The following GPHN variants were observed in gnomAD, a reference collection of about 807,000 sequenced individuals.
The protein encoded by GPHN is gephyrin.
A neutral mutation model predicts 95.5 loss-of-function variants in GPHN; 17 were observed. That is an observed-to-expected ratio of 0.18 (90% CI 0.12 to 0.27). GPHN has a LOEUF of 0.27. Among genes scored for constraint, GPHN ranks in the 10% least tolerant of loss-of-function variants. The pLI is 1.00. For missense variants in GPHN, 660 were observed against 978.1 expected (o/e 0.67, Z 4.34); for synonymous variants, 320 against 322.5 (o/e 0.99, Z 0.08).
intron 13 of GPHN, among the ~76,000 whole-genome samples, chr14:67,105,295 A>G (rs922693270): frequency 6.6e-6 from 1 of 152,136 alleles, no homozygotes; most frequent in African/African-American, 2.4e-5. Context: ...GTGAAAAAAA[A>G]ATGTGTATTT....
At chr14:67,478,049 C>T in the GPHN span, among the ~76,000 whole-genome samples, 1 of 152,252 alleles carries the variant, frequency 6.6e-6, no homozygotes, top group Non-Finnish European at 1.5e-5. Flanking sequence ...TAGCAATCGC[C>T]ATATAACAAA....
At chr14:66,722,283 C>T (rs1304737857) in intron 2 of GPHN, among the ~76,000 whole-genome samples, 1 of 151,934 alleles carries the variant, frequency 6.6e-6, no homozygotes, top group African/African-American at 2.4e-5. Flanking sequence ...ACATACAAAA[C>T]CTTGATTTTC....
the GPHN span, among the ~76,000 whole-genome samples, chr14:67,187,465 G>A: frequency 2.0e-4 from 30 of 152,150 alleles, no homozygotes; most frequent in African/African-American, 7.0e-4. Context: ...CCTTTCCATT[G>A]ACACTGCCAC....
chr14:66,582,925 G>T (rs2061255509), intron 1 of GPHN, among the ~76,000 whole-genome samples: 1 of 152,160 alleles, frequency 6.6e-6, no homozygotes, highest in Admixed American at 6.5e-5. Flanking sequence ...GGGTCAAATG[G>T]TATTTCTAGT....
chr14:67,363,626 G>GT, the GPHN span, among the ~76,000 whole-genome samples: 2 of 152,220 alleles, frequency 1.3e-5, no homozygotes, highest in East Asian at 3.9e-4. Context: ...CTGTGCTTCA[G>GT]TTTTTTAATC....
intron 5 of GPHN, among the ~76,000 whole-genome samples, chr14:66,904,598 C>T (rs887443391): frequency 6.6e-6 from 1 of 152,104 alleles, no homozygotes; most frequent in African/African-American, 2.4e-5. Context: ...CCAGGAAGTC[C>T]AGCTGGCTTC....
the GPHN span, among the ~76,000 whole-genome samples, chr14:67,685,391 G>C: frequency 6.6e-6 from 1 of 152,162 alleles, no homozygotes; most frequent in East Asian, 1.9e-4. Flanking sequence ...CTCTAGAGTA[G>C]ACAGTGCTAA....
chr14:67,530,583 C>T, the GPHN span, among the ~76,000 whole-genome samples: 4 of 152,138 alleles, frequency 2.6e-5, no homozygotes, highest in African/African-American at 7.2e-5. Context: ...ATCAGGAATC[C>T]GCACTCCAGA....
At chr14:67,642,791 TTC>T in the GPHN span, among the ~76,000 whole-genome samples, 5 of 131,162 alleles carry the variant, frequency 3.8e-5, no homozygotes, top group African/African-American at 1.1e-4. Context: ...TTACTACATT[TTC>T]TTTTTTTTTT....
the GPHN span, among the ~76,000 whole-genome samples, chr14:67,401,510 T>C: frequency 9.2e-5 from 14 of 152,072 alleles, no homozygotes; most frequent in South Asian, 1.2e-3. Context: ...AGTCCCTGTC[T>C]CTAAAACAAC....
the GPHN span, among the ~76,000 whole-genome samples, chr14:67,324,194 T>G: frequency 6.6e-6 from 1 of 152,252 alleles, no homozygotes; most frequent in Non-Finnish European, 1.5e-5. Flanking sequence ...TGAAACTTTA[T>G]GTTCTGCTTT....
At chr14:67,722,206 A>G in the GPHN span, among the ~76,000 whole-genome samples, 13,537 of 152,108 alleles carry the variant, frequency 0.089, 853 homozygotes, top group East Asian at 0.23. Flanking sequence ...TAATCCACTC[A>G]TATTTTAAGC....
At chr14:67,706,261 A>G in the GPHN span, 3 of 152,294 alleles carry the variant, frequency 2.0e-5, no homozygotes, top group African/African-American at 7.2e-5. Flanking sequence ...CTAATTTTAA[A>G]AATAAAATAA....
At chr14:66,950,296 T>C (rs1286290567) in intron 8 of GPHN, among the ~76,000 whole-genome samples, 17 of 152,184 alleles carry the variant, frequency 1.1e-4, no homozygotes. Context: ...CTACAAATTC[T>C]ACTTGCTCAA....
chr14:66,547,662 G>T (rs1164377842), intron 1 of GPHN, among the ~76,000 whole-genome samples: 2 of 152,130 alleles, frequency 1.3e-5, no homozygotes, highest in African/African-American at 4.8e-5. Context: ...CCTGTACAAG[G>T]TCAAACAGTA....
the GPHN span, among the ~76,000 whole-genome samples, chr14:67,412,539 A>T: frequency 2.0e-5 from 3 of 152,082 alleles, no homozygotes; most frequent in African/African-American, 7.2e-5. Flanking sequence ...TGGGAATTTT[A>T]TCCTGGCCTC....
chr14:66,838,685 G>A (rs1200086297), intron 4 of GPHN, among the ~76,000 whole-genome samples: 2 of 152,112 alleles, frequency 1.3e-5, no homozygotes, highest in African/African-American at 4.8e-5. Flanking sequence ...CATAGTCTAA[G>A]GAATGAAGAT....
the GPHN span, among the ~76,000 whole-genome samples, chr14:67,344,992 A>C: frequency 6.6e-6 from 1 of 152,172 alleles, no homozygotes; most frequent in African/African-American, 2.4e-5. Context: ...CTATAATCCC[A>C]GCACTTTGGA....
intron 2 of GPHN, among the ~76,000 whole-genome samples, chr14:66,742,906 C>T (rs947019390): frequency 3.9e-5 from 6 of 152,118 alleles, no homozygotes; most frequent in South Asian, 4.2e-4. Flanking sequence ...GGACCACAGG[C>T]GCACACCGCC....
Sources: allele counts gnomAD v4.1 joint callset (sites outside exome capture counted in the v4.1 genomes callset), GRCh38; gene constraint gnomAD v4.1.1; transcripts MANE v1.5; gene names NCBI Gene and HGNC (gene_info 2026-07-23, HGNC 2026-07-21).